Variants in SDC2 observed in about 807,000 individuals in gnomAD.
SDC2 encodes the protein syndecan-2.
SDC2 carries 13 observed loss-of-function variants against 22.2 expected under a neutral mutation model. The observed-to-expected ratio is 0.59, with a 90% CI of 0.38 to 0.93. The LOEUF is 0.93. Ranked by LOEUF, SDC2 falls within the 40% of genes least tolerant of loss-of-function variation. The probability of loss-of-function intolerance (pLI) is 0.00; values close to 1 mark genes in which losing one functional copy is unlikely to be tolerated. For synonymous variants in SDC2, 94 were observed against 92.8 expected (o/e 1.01, Z -0.07); for missense variants, 235 against 246.8 (o/e 0.95, Z 0.32).
At chr8:96,512,107 A>G (rs1215103980) in intron 1 of SDC2, among the ~76,000 whole-genome samples, 1 of 152,156 alleles carries the variant, frequency 6.6e-6, no homozygotes, top group Non-Finnish European at 1.5e-5. Flanking sequence ...TTTTAATGCC[A>G]CAGCCTGGAG....
intron 1 of SDC2, among the ~76,000 whole-genome samples, chr8:96,515,637 C>T (rs1181707947): frequency 6.6e-6 from 1 of 152,132 alleles, no homozygotes; most frequent in Non-Finnish European, 1.5e-5. Flanking sequence ...GTATTTTTGG[C>T]TCTGAATATT....
chr8:96,559,046 T>A (rs780580868), intron 1 of SDC2, among the ~76,000 whole-genome samples: 17 of 152,222 alleles, frequency 1.1e-4, no homozygotes, highest in Non-Finnish European at 1.9e-4. Flanking sequence ...TGGTGAGTAA[T>A]TTTCTGCACA....
At chr8:96,592,607 C>A (rs955986816) in intron 1 of SDC2, among the ~76,000 whole-genome samples, 1 of 152,116 alleles carries the variant, frequency 6.6e-6, no homozygotes, top group African/African-American at 2.4e-5. Context: ...CCAGTTCATG[C>A]AAGTTCTTCT....
chr8:96,576,364 G>GTTTTTTTTTTTTTTTTTTT (rs1291289471), intron 1 of SDC2, among the ~76,000 whole-genome samples: 1 of 19,178 alleles, frequency 5.2e-5, no homozygotes, highest in African/African-American at 1.4e-4. Context: ...ATAATTGGTA[G>GTTTTTTTTTTTTTTTTTTT]TTTGTTTTTG....
chr8:96,589,355 AAAGAACTTTTTTCCAGGCT>A (rs1689056852), intron 1 of SDC2, among the ~76,000 whole-genome samples: 1 of 151,978 alleles, frequency 6.6e-6, no homozygotes, highest in South Asian at 2.1e-4. Flanking sequence ...GCCACTTGGT[AAAGAACTTTTTTCCAGGCT>A]AAGGACTTTT....
At chr8:96,510,075 A>G (rs1219038207) in intron 1 of SDC2, among the ~76,000 whole-genome samples, 2 of 152,192 alleles carry the variant, frequency 1.3e-5, no homozygotes, top group African/African-American at 4.8e-5. Context: ...TTCCTAGTGG[A>G]GCAAGGGACA....
intron 1 of SDC2, among the ~76,000 whole-genome samples, chr8:96,534,637 A>G (rs1391801026): frequency 6.6e-6 from 1 of 151,632 alleles, no homozygotes; most frequent in Non-Finnish European, 1.5e-5. Context: ...AGGGCTCGTC[A>G]TGTTGCCCAG....
At chr8:96,569,676 G>A (rs747333123) in intron 1 of SDC2, among the ~76,000 whole-genome samples, 14 of 152,106 alleles carry the variant, frequency 9.2e-5, no homozygotes, top group Non-Finnish European at 1.9e-4. Flanking sequence ...AAGGTACGTG[G>A]CATATATTAA....
Position 96,494,019 on chromosome 8 carries a change from G to C in SDC2, c.-253G>C, listed in dbSNP as rs1226473993. On this transcript the variant is annotated 5_prime_UTR_variant, in exon 1 of 5. Coordinates refer to ENST00000302190, the MANE Select transcript of SDC2 (RefSeq NM_002998.4). ...GCAGCCTTCCCGGAGCACCAACTCC[G>C]TGTCGGGAGTGCAGAAACCAACAAG... is the stretch of plus-strand genomic sequence containing the variant. The C allele has an allele frequency of 7.5e-6, 4 of 532,616 alleles. No individual in the cohort carries two copies. Among genetic ancestry groups the C allele is most frequent in the Non-Finnish European group, 9.8e-6 (3 of 305,742 alleles). 33.0% of individuals were successfully genotyped at this position (532,616 alleles called of 1,614,324 possible).
intron 1 of SDC2, among the ~76,000 whole-genome samples, chr8:96,551,814 C>T (rs530137188): frequency 1.3e-5 from 2 of 152,160 alleles, no homozygotes; most frequent in Non-Finnish European, 2.9e-5. Flanking sequence ...AACTTGGGTA[C>T]CAAGTCTTCT....
chr8:96,534,309 C>T (rs376960174), intron 1 of SDC2, among the ~76,000 whole-genome samples: 23 of 152,312 alleles, frequency 1.5e-4, no homozygotes, highest in African/African-American at 4.8e-4. Context: ...CCAGAGCGGA[C>T]GCTGAGGCTG....
intron 1 of SDC2, among the ~76,000 whole-genome samples, chr8:96,501,006 T>C (rs1813152422): frequency 6.6e-6 from 1 of 152,158 alleles, no homozygotes; most frequent in South Asian, 2.1e-4. Context: ...TGCATAGTCT[T>C]GGAAAAATGG....
intron 2 of SDC2, among the ~76,000 whole-genome samples, chr8:96,595,638 C>T (rs946159968): frequency 6.6e-6 from 1 of 152,078 alleles, no homozygotes; most frequent in Non-Finnish European, 1.5e-5. Flanking sequence ...GTGGGGTGTA[C>T]AGGTTGGCGA....
In SDC2 at chr8:96,536,834, C is replaced by T. The variant is rs755624337; in HGVS notation, c.60+42503C>T. Among the ~76,000 whole-genome samples the T allele has an allele frequency of 1.1e-3, 160 of 152,166 alleles. 3 individuals are homozygous for T. Among genetic ancestry groups the T allele is most frequent in the Non-Finnish European group, 8.2e-4 (56 of 68,040 alleles). ...TTAGGGTTGATTACCTATGCTTTTC[C>T]TTCTGTGGCAATTGGAGACTCAGTC... is the stretch of plus-strand genomic sequence containing the variant. On this transcript the variant is annotated intron_variant, in intron 1 of 4. Transcript: ENST00000302190.
At position 96,508,660 on chromosome 8, in the gene SDC2, T is replaced by C. The variant is rs1054802135; in HGVS notation, c.60+14329T>C. Among the ~76,000 whole-genome samples the C allele has an allele frequency of 7.0e-5, 10 of 141,976 alleles. 1 individual carries two copies. In the East Asian group the frequency reaches 1.9e-3, roughly 28 times the overall value. The allele number at this position is 141,976 out of a possible 152,430, so 93.1% of individuals were successfully genotyped here. On this transcript the variant is annotated intron_variant, in intron 1 of 4. Transcript: ENST00000302190. The stretch of plus-strand genomic sequence containing the variant: ...CCATTACCACAGCCTTCTCCTACTA[T>C]AGATAGGCATTTTCCATTCATTGTC...
intron 1 of SDC2, among the ~76,000 whole-genome samples, chr8:96,530,371 C>T (rs1305489034): frequency 1.3e-5 from 2 of 152,218 alleles, no homozygotes; most frequent in Admixed American, 6.5e-5. Context: ...CGGTGGCTCA[C>T]GCCTGTAATC....
chr8:96,610,548 T>TTC lies in SDC2; in HGVS notation c.*1002_*1003dup, dbSNP rs1815158654. The TTC allele has an allele frequency of 6.6e-6, 1 of 152,624 alleles. No individual in the cohort carries two copies. The highest frequency in any genetic ancestry group is 2.1e-4 in the South Asian group (1 of 4,832). 9.5% of individuals were successfully genotyped at this position (152,624 alleles called of 1,614,324 possible). ...GTTGGTATTTTATAAGCACAGACAA[T>TTC]TCTAATGGTAACTTTTGTAGTCTTA... On this transcript the variant is annotated 3_prime_UTR_variant, in exon 5 of 5. Coordinates refer to ENST00000302190, the MANE Select transcript of SDC2 (RefSeq NM_002998.4).
At chr8:96,524,953 GTGAGACAAGACTTTGGCCATTATT>G (rs1201849503) in intron 1 of SDC2, among the ~76,000 whole-genome samples, 3 of 152,164 alleles carry the variant, frequency 2.0e-5, no homozygotes, top group Non-Finnish European at 2.9e-5. Context: ...ACCAGTTTGA[GTGAGACAAGACTTTGGCCATTATT>G]TGTCGGGTTA....
At chr8:96,576,613 G>A (rs1398806727) in intron 1 of SDC2, among the ~76,000 whole-genome samples, 1 of 144,422 alleles carries the variant, frequency 6.9e-6, no homozygotes, top group Non-Finnish European at 1.5e-5. Context: ...TAGAGACGGG[G>A]TTTCACCGTT....
Sources: allele counts gnomAD v4.1 joint callset (sites outside exome capture counted in the v4.1 genomes callset), GRCh38; gene constraint gnomAD v4.1.1; transcripts MANE v1.5; gene names NCBI Gene and HGNC (gene_info 2026-07-23, HGNC 2026-07-21).